NDST4: variants seen among roughly 807,000 people sequenced by gnomAD.
The protein encoded by NDST4 is N-deacetylase and N-sulfotransferase 4, also known as N-heparan sulfate sulfotransferase 4.
A neutral mutation model predicts 100.8 loss-of-function variants in NDST4; 63 were observed. The observed-to-expected ratio is 0.62, with a 90% CI of 0.51 to 0.77. The LOEUF (loss-of-function observed/expected upper bound fraction) is 0.77, where lower values mean the gene tolerates loss of function less well. Among genes scored for constraint, NDST4 ranks in the 30% least tolerant of loss-of-function variants. The pLI is 0.00. For synonymous variants in NDST4, 377 were observed against 361.8 expected (o/e 1.04, Z -0.48); for missense variants, 943 against 1,018.4 (o/e 0.93, Z 1.01).
Position 114,977,183 on chromosome 4 carries a change from T to C in NDST4, c.1066+4A>G. ...CTGCCTGAGAACACAAAGCTCCTTCTTACCTGTGTGGTAAAACTTCCCTGA... is the reference window on the plus strand; with the variant it reads ...CTGCCTGAGAACACAAAGCTCCTTCCTACCTGTGTGGTAAAACTTCCCTGA... On this transcript the variant is annotated splice_donor_region_variant and intron_variant, in intron 3 of 13. Coordinates refer to ENST00000264363, the MANE Select transcript of NDST4 (RefSeq NM_022569.3). 1 of 1,582,638 alleles carries C rather than the reference T, an allele frequency of 6.3e-7. No homozygotes were observed. Among genetic ancestry groups the C allele is most frequent in the South Asian group, 1.1e-5 (1 of 89,264 alleles).
At chr4:115,073,134 T>C (rs1181858770) in intron 2 of NDST4, among the ~76,000 whole-genome samples, 1 of 151,960 alleles carries the variant, frequency 6.6e-6, no homozygotes, top group African/African-American at 2.4e-5. Context: ...TCATACCTAT[T>C]AGAATGGCTG....
At chr4:115,028,443 A>G (rs2126268674) in intron 2 of NDST4, among the ~76,000 whole-genome samples, 1 of 152,106 alleles carries the variant, frequency 6.6e-6, no homozygotes, top group East Asian at 1.9e-4. Context: ...GATTGCTGAA[A>G]CTCTGTCTGT....
intron 6 of NDST4, among the ~76,000 whole-genome samples, chr4:114,920,439 G>A (rs1263924018): frequency 4.6e-5 from 7 of 152,150 alleles, no homozygotes; most frequent in Non-Finnish European, 1.0e-4. Context: ...GTGTACCTGT[G>A]TGTGAAAGAG....
At chr4:115,001,625 T>C (rs930297836) in intron 2 of NDST4, among the ~76,000 whole-genome samples, 7 of 151,872 alleles carry the variant, frequency 4.6e-5, no homozygotes, top group African/African-American at 1.5e-4. Flanking sequence ...TACGCTCCAC[T>C]CTAATATAAT....
At chr4:115,011,164 A>G (rs920043827) in intron 2 of NDST4, among the ~76,000 whole-genome samples, 1 of 152,034 alleles carries the variant, frequency 6.6e-6, no homozygotes, top group South Asian at 2.1e-4. Flanking sequence ...TCAGAAGCTT[A>G]GTACTAAGGA....
Position 114,997,821 on chromosome 4 carries a change from G to A in NDST4, c.979-20547C>T, listed in dbSNP as rs536636475. ...ATTATAAAAGAATTATGTTAGCGAT[G>A]TTCTTTTCTGCCCACTCCAACCATC... On this transcript the variant is annotated intron_variant, in intron 2 of 13. Coordinates refer to ENST00000264363, the MANE Select transcript of NDST4 (RefSeq NM_022569.3). Among the ~76,000 whole-genome samples the A allele has an allele frequency of 5.9e-5, 9 of 152,104 alleles. No homozygotes were observed. In the South Asian group the frequency reaches 1.9e-3, roughly 32 times the overall value.
chr4:114,965,807 C>T (rs1036392188), intron 4 of NDST4, among the ~76,000 whole-genome samples: 5 of 151,764 alleles, frequency 3.3e-5, no homozygotes, highest in African/African-American at 4.8e-5. Flanking sequence ...GTAAACAGTT[C>T]AGTGTATGGT....
chr4:115,021,215 TATATATATTCCACATATATATATTCCAC>T (rs1283147674), intron 2 of NDST4, among the ~76,000 whole-genome samples: 2 of 123,106 alleles, frequency 1.6e-5, no homozygotes, highest in African/African-American at 9.8e-5. Context: ...ATTCCATATA[TATATATATTCCACATATATATATTCCAC>T]ATATATATAT....
At chr4:115,011,643 A>G (rs1225778126) in intron 2 of NDST4, among the ~76,000 whole-genome samples, 1 of 151,960 alleles carries the variant, frequency 6.6e-6, no homozygotes, top group Non-Finnish European at 1.5e-5. Flanking sequence ...CTATTGTAAG[A>G]TCTGTTCATT....
At chr4:114,908,421 A>G (rs1724996360) in intron 6 of NDST4, among the ~76,000 whole-genome samples, 1 of 152,148 alleles carries the variant, frequency 6.6e-6, no homozygotes, top group Admixed American at 6.5e-5. Context: ...ATTTTAAATC[A>G]TATCAGTCGA....
intron 4 of NDST4, among the ~76,000 whole-genome samples, chr4:114,946,939 G>T (rs548584335): frequency 2.6e-5 from 4 of 151,706 alleles, no homozygotes; most frequent in African/African-American, 9.7e-5. Context: ...AGTGGAAGTT[G>T]TAATAACAGA....
At position 114,833,594 on chromosome 4, in the gene NDST4, C is replaced by G. The variant is rs1252551040; in HGVS notation, c.2396+12G>C. Reference sequence around the variant, plus strand: ...ATAATGGAAATGAAATCAAGCATGACAATAGACTCACGTTAGTGCTTCAGA... The same window carrying G: ...ATAATGGAAATGAAATCAAGCATGAGAATAGACTCACGTTAGTGCTTCAGA... On this transcript the variant is annotated intron_variant, in intron 12 of 13. Coordinates refer to ENST00000264363, the MANE Select transcript of NDST4 (RefSeq NM_022569.3). 3.3e-6 allele frequency: 5 copies of G among 1,528,648 alleles called. No homozygotes were observed. Among genetic ancestry groups the G allele is most frequent in the Non-Finnish European group, 2.7e-6 (3 of 1,102,962 alleles). The allele number at this position is 1,528,648 out of a possible 1,614,324, so 94.7% of individuals were successfully genotyped here.
intron 6 of NDST4, among the ~76,000 whole-genome samples, chr4:114,927,001 A>C (rs1440767855): frequency 1.3e-5 from 2 of 152,048 alleles, no homozygotes; most frequent in Admixed American, 6.5e-5. Flanking sequence ...GGTCCTGCAA[A>C]ATCTGGAAAT....
At chr4:114,933,303 AC>A (rs1326293746) in intron 6 of NDST4, among the ~76,000 whole-genome samples, 1 of 152,120 alleles carries the variant, frequency 6.6e-6, no homozygotes, top group African/African-American at 2.4e-5. Context: ...TTTATCTCAC[AC>A]CATATTTAAA....
At chr4:115,092,351 C>T (rs1178801566) in intron 1 of NDST4, among the ~76,000 whole-genome samples, 1 of 152,086 alleles carries the variant, frequency 6.6e-6, no homozygotes, top group African/African-American at 2.4e-5. Flanking sequence ...GTGAGGGAGG[C>T]TGGAAAACAA....
Position 114,874,100 on chromosome 4 carries a change from G to GA in NDST4, c.1537-3151dup, listed in dbSNP as rs993609320. Among the ~76,000 whole-genome samples, 23 of 151,424 alleles carry GA rather than the reference G, an allele frequency of 1.5e-4. No individual in the cohort carries two copies. The South Asian group carries it at 2.5e-3, about 17-fold the overall frequency. On this transcript the variant is annotated intron_variant, in intron 6 of 13. Coordinates refer to ENST00000264363, the MANE Select transcript of NDST4 (RefSeq NM_022569.3). ...TGAATAAAATCATGCAGATATTATT[G>GA]AAAAAAAAGAAGGAATTGTAAGACA...
At chr4:114,959,680 G>C (rs912283285) in intron 4 of NDST4, among the ~76,000 whole-genome samples, 2 of 152,036 alleles carry the variant, frequency 1.3e-5, no homozygotes. Flanking sequence ...AGAAATTTGA[G>C]CTAACAGAAG....
rs533327796 is a variant in NDST4 at position 115,048,698 on chromosome 4, C to A, written c.978+27361G>T. On this transcript the variant is annotated intron_variant, in intron 2 of 13. Transcript: ENST00000264363. ...GTTGGCCCAGGATGGAGAGCAGGGGCATGATCTGGGCTCATGGCAACCTCC... is the reference window on the plus strand; with the variant it reads ...GTTGGCCCAGGATGGAGAGCAGGGGAATGATCTGGGCTCATGGCAACCTCC... Among the ~76,000 whole-genome samples, 340 of 152,020 alleles carry A rather than the reference C, an allele frequency of 2.2e-3. 1 individual carries two copies. The highest frequency in any genetic ancestry group is 7.8e-3 in the African/African-American group (323 of 41,458).
intron 6 of NDST4, among the ~76,000 whole-genome samples, chr4:114,919,359 G>T (rs1004216432): frequency 3.3e-5 from 5 of 152,120 alleles, no homozygotes; most frequent in Admixed American, 2.6e-4. Flanking sequence ...AATAAGACAA[G>T]TTAGTGATAG....
Sources: allele counts gnomAD v4.1 joint callset (sites outside exome capture counted in the v4.1 genomes callset), GRCh38; gene constraint gnomAD v4.1.1; transcripts MANE v1.5; gene names NCBI Gene and HGNC (gene_info 2026-07-23, HGNC 2026-07-21).